Variants in CTNNA2 observed in about 807,000 individuals in gnomAD.
CTNNA2 encodes the protein catenin alpha-2.
In CTNNA2, 42 loss-of-function variants were observed where a neutral mutation model predicts 101.0. The ratio of observed to expected loss-of-function variants is 0.42; its 90% CI spans 0.32 to 0.54. CTNNA2 has a LOEUF of 0.54. CTNNA2 is among the 20% of genes least tolerant of loss of function. The pLI, the probability that CTNNA2 is intolerant of heterozygous loss-of-function variation, is 0.14. For synonymous variants in CTNNA2, 450 were observed against 456.4 expected, an observed-to-expected ratio of 0.99 and a Z score of 0.18; for missense variants, 871 against 1,223.1, an observed-to-expected ratio of 0.71 and a Z score of 4.29.
upstream of CTNNA2, among the ~76,000 whole-genome samples, chr2:79,508,756 C>A (rs1225016533): frequency 1.3e-5 from 2 of 151,594 alleles, no homozygotes; most frequent in Non-Finnish European, 2.9e-5. Flanking sequence ...AAATTGCCTC[C>A]ATTTTGCAGA....
At chr2:80,551,017 T>G (rs926972567) in intron 11 of CTNNA2, among the ~76,000 whole-genome samples, 1 of 152,110 alleles carries the variant, frequency 6.6e-6, no homozygotes, top group Non-Finnish European at 1.5e-5. Flanking sequence ...TAATAAGACT[T>G]GAAAGTCAAA....
chr2:80,251,780 A>G (rs2149107621), intron 7 of CTNNA2, among the ~76,000 whole-genome samples: 1 of 152,298 alleles, frequency 6.6e-6, no homozygotes, highest in Non-Finnish European at 1.5e-5. Flanking sequence ...CCTGAGAAGT[A>G]CTACCTACAA....
At position 80,399,839 on chromosome 2, in the gene CTNNA2, A is replaced by G. The variant is rs949658311; in HGVS notation, c.1137+6548A>G. Among the ~76,000 whole-genome samples, 38 of 152,216 alleles carry G rather than the reference A, an allele frequency of 2.5e-4. 1 individual carries two copies. Among genetic ancestry groups the G allele is most frequent in the Middle Eastern group, 3.2e-3 (1 of 316 alleles). ...ATGCCATCACATTTTTCAGCATGAA[A>G]TTCCTAAGCAGGGAAACTTAGAATA... On this transcript the variant is annotated intron_variant, in intron 8 of 18. Coordinates refer to ENST00000402739, the MANE Select transcript of CTNNA2 (RefSeq NM_001282597.3).
intron 4 of CTNNA2, among the ~76,000 whole-genome samples, chr2:79,445,718 G>A (rs1319652175): frequency 1.3e-5 from 2 of 152,026 alleles, no homozygotes; most frequent in East Asian, 3.9e-4. Flanking sequence ...ATAAAGCCTT[G>A]CCCATGATTG....
intron 2 of CTNNA2, among the ~76,000 whole-genome samples, chr2:79,213,272 A>G (rs1390338111): frequency 6.6e-6 from 1 of 152,172 alleles, no homozygotes; most frequent in African/African-American, 2.4e-5. Context: ...CTTTGCAGTG[A>G]ATGACTCCAG....
intron 7 of CTNNA2, among the ~76,000 whole-genome samples, chr2:80,009,718 G>A (rs1322406149): frequency 7.8e-5 from 4 of 51,502 alleles, no homozygotes; most frequent in South Asian, 7.5e-4. Context: ...TACAAAGCTG[G>A]TGTGTGTCTG....
chr2:80,214,303 A>C (rs557123478), intron 7 of CTNNA2, among the ~76,000 whole-genome samples: 1 of 152,248 alleles, frequency 6.6e-6, no homozygotes, highest in East Asian at 1.9e-4. Flanking sequence ...GTTTCTTCCT[A>C]GCATCGATGG....
intron 12 of CTNNA2, among the ~76,000 whole-genome samples, chr2:80,569,371 C>T (rs1278529314): frequency 2.0e-5 from 3 of 152,042 alleles, no homozygotes; most frequent in Non-Finnish European, 4.4e-5. Flanking sequence ...ATTTGATCAC[C>T]CTTTCAGACA....
chr2:79,284,812 T>G (rs1255120675), intron 2 of CTNNA2, among the ~76,000 whole-genome samples: 1 of 147,834 alleles, frequency 6.8e-6, no homozygotes, highest in Non-Finnish European at 1.5e-5. Flanking sequence ...TTTCTATTGA[T>G]TGGAATAGTT....
intron 7 of CTNNA2, among the ~76,000 whole-genome samples, chr2:79,947,930 CAG>C (rs1688614785): frequency 6.6e-6 from 1 of 152,154 alleles, no homozygotes; most frequent in African/African-American, 2.4e-5. Flanking sequence ...GGCAGCAACT[CAG>C]GGGACTGTGT....
chr2:80,545,657 A>G (rs1297715387), intron 10 of CTNNA2, among the ~76,000 whole-genome samples: 1 of 152,228 alleles, frequency 6.6e-6, no homozygotes, highest in East Asian at 1.9e-4. Flanking sequence ...GTGCTAAGTC[A>G]TGAGACTTGT....
intron 7 of CTNNA2, among the ~76,000 whole-genome samples, chr2:80,381,692 G>A (rs1193747434): frequency 6.6e-6 from 1 of 152,130 alleles, no homozygotes; most frequent in African/African-American, 2.4e-5. Context: ...CCCAAACCTT[G>A]TACTTCTTCT....
chr2:79,980,639 T>A (rs1433953438), intron 7 of CTNNA2, among the ~76,000 whole-genome samples: 3 of 152,188 alleles, frequency 2.0e-5, no homozygotes, highest in African/African-American at 4.8e-5. Context: ...TAAGATTTTT[T>A]AAAAGTAAAA....
At chr2:79,264,403 T>C (rs1261297615) in intron 2 of CTNNA2, among the ~76,000 whole-genome samples, 1 of 136,412 alleles carries the variant, frequency 7.3e-6, no homozygotes, top group East Asian at 2.1e-4. Context: ...TATTATTGTT[T>C]AGGACATGGC....
chr2:80,410,069 C>A (rs1679430611), intron 8 of CTNNA2, among the ~76,000 whole-genome samples: 1 of 152,108 alleles, frequency 6.6e-6, no homozygotes, highest in Non-Finnish European at 1.5e-5. Flanking sequence ...ATATTTTTTT[C>A]TTGGATTGTC....
At chr2:79,755,329 A>G (rs557607712) in intron 3 of CTNNA2, among the ~76,000 whole-genome samples, 2 of 152,276 alleles carry the variant, frequency 1.3e-5, no homozygotes, top group East Asian at 3.9e-4. Context: ...AGAGCAAATG[A>G]TACAGTTTGA....
intron 7 of CTNNA2, among the ~76,000 whole-genome samples, chr2:80,212,812 G>A (rs1707987888): frequency 6.6e-6 from 1 of 152,132 alleles, no homozygotes; most frequent in African/African-American, 2.4e-5. Flanking sequence ...TTGTACCTCT[G>A]GTAGAATTTG....
intron 2 of CTNNA2, among the ~76,000 whole-genome samples, chr2:79,222,657 CCTT>C (rs899694113): frequency 6.6e-6 from 1 of 152,108 alleles, no homozygotes; most frequent in Admixed American, 6.6e-5. Context: ...CCTCCTCCTG[CCTT>C]CTTTTCTTCC....
intron 8 of CTNNA2, among the ~76,000 whole-genome samples, chr2:80,393,904 T>A (rs528363071): frequency 1.3e-5 from 2 of 152,320 alleles, no homozygotes; most frequent in East Asian, 3.9e-4. Context: ...GTATGAACGC[T>A]GGTAAATGTT....
Sources: allele counts gnomAD v4.1 joint callset (sites outside exome capture counted in the v4.1 genomes callset), GRCh38; gene constraint gnomAD v4.1.1; transcripts MANE v1.5; gene names NCBI Gene and HGNC (gene_info 2026-07-23, HGNC 2026-07-21).